The following PTP4A1 variants were observed in gnomAD, a reference collection of about 807,000 sequenced individuals.
PTP4A1 encodes the protein protein tyrosine phosphatase 4A1.
A neutral mutation model predicts 20.5 loss-of-function variants in PTP4A1; 9 were observed. The ratio of observed to expected loss-of-function variants is 0.44; its 90% confidence interval spans 0.26 to 0.77. PTP4A1 has a LOEUF of 0.77. PTP4A1 is among the 30% of genes least tolerant of loss of function. The pLI is 0.19. For missense variants in PTP4A1, 137 were observed against 218.8 expected, an observed-to-expected ratio of 0.63 and a Z score of 2.36; for synonymous variants, 78 against 67.4, an observed-to-expected ratio of 1.16 and a Z score of -0.77.
chr6:63,526,048 G>A (rs1469954774), intron 1 of PTP4A1, among the ~76,000 whole-genome samples: 1 of 152,178 alleles, frequency 6.6e-6, no homozygotes, highest in Non-Finnish European at 1.5e-5. Flanking sequence ...TTCTAGGCCA[G>A]GCGCAGTGGC....
rs115441514 is a variant in PTP4A1, at chr6:63,546,038, T to C, written c.-639-4262T>C. The stretch of plus-strand genomic sequence containing the variant: ...CCACTTCAGGGTATATATCCAAATA[T>C]ATGAAATCAGTATGTTGAAGAGACA... On this transcript the variant is annotated intron_variant, in intron 2 of 3. Coordinates refer to the PTP4A1 transcript ENST00000639568. Among the ~76,000 whole-genome samples, 108 of 152,224 alleles carry C rather than the reference T, an allele frequency of 7.1e-4. 2 individuals carry two copies. The Middle Eastern group carries it at 0.017, about 24-fold the overall frequency.
Position 63,576,783 on chromosome 6 carries a change from A to C in PTP4A1, c.-98A>C, listed in dbSNP as rs565167825. The C allele has an allele frequency of 2.3e-6, 2 of 880,060 alleles. No homozygotes were observed. Among genetic ancestry groups the C allele is most frequent in the East Asian group, 5.1e-5 (2 of 39,128 alleles). 54.5% of individuals were successfully genotyped at this position (880,060 alleles called of 1,614,324 possible). A position where few individuals can be genotyped will look rare whatever the true frequency, so the allele number is the denominator to read the frequency against. On this transcript the variant is annotated 5_prime_UTR_variant, in exon 2 of 6. Transcript: ENST00000626021. The stretch of plus-strand genomic sequence containing the variant: ...TCAAAGCACTGAGAATTTCAAGTGG[A>C]GTATATTGAAGTAGACTTCAGTTTC...
Position 63,580,049 on chromosome 6 carries a change from C to A in PTP4A1, c.405-8C>A. ...CCTTGTTTCATTTTTTTTTTTTTTT[C>A]CTCCCAGAAAGCGGCGTGGAGCTTT... is the stretch of plus-strand genomic sequence containing the variant. On this transcript the variant is annotated splice_polypyrimidine_tract_variant and splice_region_variant and intron_variant, in intron 5 of 5. Coordinates refer to ENST00000626021, the MANE Select transcript of PTP4A1 (RefSeq NM_003463.5). The A allele has an allele frequency of 1.2e-5, 18 of 1,445,250 alleles. No homozygotes were observed. The highest frequency in any genetic ancestry group is 4.5e-5 in the African/African-American group (3 of 66,516). The allele number at this position is 1,445,250 out of a possible 1,614,324, so 89.5% of individuals were successfully genotyped here.
chr6:63,545,797 G>C (rs1190874682), intron 2 of PTP4A1, among the ~76,000 whole-genome samples: 2 of 151,932 alleles, frequency 1.3e-5, no homozygotes, highest in Non-Finnish European at 2.9e-5. Flanking sequence ...ATTCATTCTA[G>C]CTTTCCCATG....
intron 1 of PTP4A1, among the ~76,000 whole-genome samples, chr6:63,574,834 T>C (rs1365997175): frequency 6.6e-6 from 1 of 152,200 alleles, no homozygotes; most frequent in Admixed American, 6.5e-5. Flanking sequence ...TATAATGAAA[T>C]TATTTTCAGA....
Position 63,578,548 on chromosome 6 carries a change from T to C in PTP4A1, c.198+19T>C, listed in dbSNP as rs1778020232. On this transcript the variant is annotated intron_variant, in intron 3 of 5. Transcript: ENST00000626021. ...TGTTCTTGTAAGTATTTAACAGTTCTTATGGGTTTATGGTGCTGTGCTACA... is the reference window on the plus strand; with the variant it reads ...TGTTCTTGTAAGTATTTAACAGTTCCTATGGGTTTATGGTGCTGTGCTACA... The C allele has an allele frequency of 1.2e-6, 2 of 1,601,120 alleles. No homozygotes were observed. The highest frequency in any genetic ancestry group is 1.3e-5 in the African/African-American group (1 of 74,152).
chr6:63,557,199 T>G (rs1776728603), intron 3 of PTP4A1, among the ~76,000 whole-genome samples: 1 of 152,156 alleles, frequency 6.6e-6, no homozygotes, highest in African/African-American at 2.4e-5. Flanking sequence ...ATAGAGGTAT[T>G]TGCAAGGTAC....
chr6:63,577,094 A>G, intron 2 of PTP4A1, 109 bp downstream of exon 2: 1 of 771,684 alleles, frequency 1.3e-6, no homozygotes, highest in Non-Finnish European at 2.1e-6. Flanking sequence ...TATACCTACA[A>G]TTCCAGTTCC....
At chr6:63,563,233 T>C (rs1032185800) in intron 3 of PTP4A1, among the ~76,000 whole-genome samples, 2 of 152,236 alleles carry the variant, frequency 1.3e-5, no homozygotes, top group Non-Finnish European at 2.9e-5. Context: ...TGTGGTGTGA[T>C]TCACTGTCAG....
At chr6:63,567,827 C>T (rs1375498398), upstream of PTP4A1, among the ~76,000 whole-genome samples, 2 of 152,334 alleles carry the variant, frequency 1.3e-5, no homozygotes, top group East Asian at 3.9e-4. Context: ...CATCAATGTT[C>T]TTGGCTAAAT....
chr6:63,562,378 T>C (rs1386446813), intron 3 of PTP4A1, among the ~76,000 whole-genome samples: 1 of 152,094 alleles, frequency 6.6e-6, no homozygotes, highest in Non-Finnish European at 1.5e-5. Flanking sequence ...TTTGTATTTT[T>C]AGTAGAGACA....
intron 1 of PTP4A1, among the ~76,000 whole-genome samples, chr6:63,526,684 T>C (rs1275648759): frequency 1.3e-5 from 2 of 151,214 alleles, no homozygotes; most frequent in African/African-American, 2.4e-5. Flanking sequence ...GGCGTGTGCC[T>C]GTAGTCTCAG....
intron 2 of PTP4A1, among the ~76,000 whole-genome samples, chr6:63,546,376 G>C (rs1254242205): frequency 6.6e-6 from 1 of 152,134 alleles, no homozygotes; most frequent in Non-Finnish European, 1.5e-5. Flanking sequence ...GCCAGGGGCT[G>C]AGGCTTGGGG....
intron 2 of PTP4A1, chr6:63,550,233 G>A (rs1776377557): frequency 6.6e-6 from 1 of 152,028 alleles, no homozygotes; most frequent in African/African-American, 2.4e-5. Flanking sequence ...GCCCCTCCCT[G>A]GATTGCAATT....
intron 2 of PTP4A1, among the ~76,000 whole-genome samples, chr6:63,532,845 G>A (rs1346462212): frequency 6.6e-6 from 1 of 152,064 alleles, no homozygotes; most frequent in Non-Finnish European, 1.5e-5. Flanking sequence ...AAAAAAAATA[G>A]TGCACAATAT....
At chr6:63,568,928 T>C (rs1777299210), upstream of PTP4A1, among the ~76,000 whole-genome samples, 1 of 152,222 alleles carries the variant, frequency 6.6e-6, no homozygotes, top group Non-Finnish European at 1.5e-5. Context: ...TATTTGCCTC[T>C]ATTACATATA....
intron 2 of PTP4A1, among the ~76,000 whole-genome samples, chr6:63,528,560 A>C (rs1391481676): frequency 1.3e-5 from 2 of 151,826 alleles, no homozygotes; most frequent in Non-Finnish European, 2.9e-5. Flanking sequence ...CCTCATCTCT[A>C]CAAAAAATAT....
chr6:63,566,796 A>G (rs1205426128), intron 3 of PTP4A1, among the ~76,000 whole-genome samples: 1 of 152,210 alleles, frequency 6.6e-6, no homozygotes, highest in East Asian at 1.9e-4. Context: ...GTGCTGTTTG[A>G]TAGTATTTTA....
chr6:63,580,197 G>A lies in PTP4A1; in HGVS notation c.*23G>A. The A allele has an allele frequency of 1.9e-6, 3 of 1,547,342 alleles. No individual in the cohort carries two copies. The highest frequency in any genetic ancestry group is 2.7e-6 in the Non-Finnish European group (3 of 1,121,110). On this transcript the variant is annotated 3_prime_UTR_variant, in exon 6 of 6. Transcript: ENST00000626021. Reference sequence around the variant, plus strand: ...TAAAATTGGGGTGCCTAATGCTACTGGAAGTGGAACTTGAGATAGGGCCTA... The same window carrying A: ...TAAAATTGGGGTGCCTAATGCTACTAGAAGTGGAACTTGAGATAGGGCCTA...
Sources: allele counts gnomAD v4.1 joint callset (sites outside exome capture counted in the v4.1 genomes callset), GRCh38; gene constraint gnomAD v4.1.1; transcripts MANE v1.5; gene names NCBI Gene and HGNC (gene_info 2026-07-23, HGNC 2026-07-21).